HEPACAM2: variants seen among roughly 807,000 people sequenced by gnomAD.
HEPACAM2 encodes the protein mitotic kinetics regulator.
A neutral mutation model predicts 49.6 loss-of-function variants in HEPACAM2; 49 were observed. That is an observed-to-expected ratio of 0.99 (90% CI 0.78 to 1.25). The LOEUF (loss-of-function observed/expected upper bound fraction) is 1.25. Ranked by LOEUF, HEPACAM2 falls within the 50% of genes most tolerant of loss-of-function variation. The pLI is 0.00. For synonymous variants in HEPACAM2, 197 were observed against 202.9 expected (o/e 0.97, Z 0.25); for missense variants, 525 against 557.2 (o/e 0.94, Z 0.58).
At chr7:93,195,086 T>C (rs1340294501) in intron 8 of HEPACAM2, among the ~76,000 whole-genome samples, 5 of 152,022 alleles carry the variant, frequency 3.3e-5, no homozygotes, top group East Asian at 3.9e-4. Flanking sequence ...GTGTGATCAA[T>C]TGTCTTTGCA....
At chr7:93,204,377 C>CA (rs1793976111) in intron 4 of HEPACAM2, among the ~76,000 whole-genome samples, 1 of 150,384 alleles carries the variant, frequency 6.6e-6, no homozygotes. Flanking sequence ...TATCTATCAT[C>CA]TCTCTGTCTG....
At chr7:93,196,073 A>G (rs747165904) in intron 7 of HEPACAM2, among the ~76,000 whole-genome samples, 172 bp from the exon 8 acceptor site, 3 of 152,084 alleles carry the variant, frequency 2.0e-5, no homozygotes, top group Non-Finnish European at 4.4e-5. Flanking sequence ...GTTGGAAATC[A>G]CTCTTTCTGA....
chr7:93,202,714 T>G (rs1290785175), intron 4 of HEPACAM2, among the ~76,000 whole-genome samples: 1 of 152,148 alleles, frequency 6.6e-6, no homozygotes, highest in Non-Finnish European at 1.5e-5. Context: ...CGGCTGTTTT[T>G]TCCCTCTTAA....
intron 4 of HEPACAM2, among the ~76,000 whole-genome samples, chr7:93,200,220 G>C (rs549868937): frequency 6.6e-6 from 1 of 151,394 alleles, no homozygotes; most frequent in East Asian, 2.0e-4. Context: ...GATTTTTTTC[G>C]GTCAATTTTT....
At chr7:93,222,234 A>G (rs1308743714) in intron 1 of HEPACAM2, among the ~76,000 whole-genome samples, 2 of 152,182 alleles carry the variant, frequency 1.3e-5, no homozygotes, top group Non-Finnish European at 2.9e-5. Context: ...TTTTCTGTAC[A>G]AAACAAAATG....
intron 1 of HEPACAM2, among the ~76,000 whole-genome samples, chr7:93,222,560 T>A (rs1010765859): frequency 6.6e-6 from 1 of 152,206 alleles, no homozygotes; most frequent in Admixed American, 6.5e-5. Flanking sequence ...AACTTGAAGA[T>A]TACTGTGCTT....
At chr7:93,213,522 G>T (rs1190228418) in intron 3 of HEPACAM2, among the ~76,000 whole-genome samples, 1 of 152,066 alleles carries the variant, frequency 6.6e-6, no homozygotes, top group East Asian at 1.9e-4. Flanking sequence ...ACCTTATAAT[G>T]AGAATTTAGC....
chr7:93,199,404 C>G (rs1044292868), intron 4 of HEPACAM2, among the ~76,000 whole-genome samples: 1 of 152,070 alleles, frequency 6.6e-6, no homozygotes, highest in Non-Finnish European at 1.5e-5. Context: ...TGTTAGAAGG[C>G]TGACCTTTTA....
chr7:93,208,517 G>A lies in HEPACAM2; in HGVS notation c.1012+63C>T, dbSNP rs1079889. ...TTTTCTACCTAGGTATAAGATAGGGGAAGTGCAAGGCCAGCATGCATTCAT... is the reference window on the plus strand; with the variant it reads ...TTTTCTACCTAGGTATAAGATAGGGAAAGTGCAAGGCCAGCATGCATTCAT... On this transcript the variant is annotated intron_variant, in intron 4 of 9. Coordinates refer to ENST00000394468, the MANE Select transcript of HEPACAM2 (RefSeq NM_001039372.4). 5 of 1,335,394 alleles carry A rather than the reference G, an allele frequency of 3.7e-6. No homozygotes were observed. The African/African-American group carries it at 4.3e-5, about 12-fold the overall frequency. The allele number at this position is 1,335,394 out of a possible 1,614,324, so 82.7% of individuals were successfully genotyped here. A position where few individuals can be genotyped will look rare whatever the true frequency, so the allele number is the denominator to read the frequency against.
At chr7:93,219,521 A>C (rs772900144) in intron 1 of HEPACAM2, 70 bp from the exon 2 acceptor site, 1 of 1,600,268 alleles carries the variant, frequency 6.2e-7, no homozygotes, top group Non-Finnish European at 8.5e-7. Flanking sequence ...GCAAATGCAG[A>C]GAGAACCTGA....
intron 2 of HEPACAM2, among the ~76,000 whole-genome samples, chr7:93,217,325 A>G (rs1395611483): frequency 6.6e-6 from 1 of 152,210 alleles, no homozygotes; most frequent in Non-Finnish European, 1.5e-5. Flanking sequence ...TGCTTAAAAC[A>G]GTATAACTCA....
chr7:93,210,389 C>T (rs867939447), intron 3 of HEPACAM2, among the ~76,000 whole-genome samples: 6 of 151,868 alleles, frequency 4.0e-5, no homozygotes, highest in African/African-American at 1.4e-4. Context: ...TATTAAATAG[C>T]AGAGCTGGGT....
intron 4 of HEPACAM2, among the ~76,000 whole-genome samples, chr7:93,197,930 G>T (rs994652616): frequency 2.6e-5 from 4 of 151,976 alleles, no homozygotes; most frequent in African/African-American, 7.3e-5. Flanking sequence ...TCATCTCATT[G>T]TCTCTACATT....
chr7:93,217,876 C>CTGTGTGTGTG (rs138044928), intron 2 of HEPACAM2, among the ~76,000 whole-genome samples: 251 of 140,182 alleles, frequency 1.8e-3, no homozygotes, highest in Non-Finnish European at 2.2e-3. Flanking sequence ...GCATGTGTGT[C>CTGTGTGTGTG]TGTGTGTGTG....
In HEPACAM2 at chr7:93,219,095, A is replaced by T. The variant is rs1198055466; in HGVS notation, c.430+6T>A. 32 of 1,611,694 alleles carry T rather than the reference A, an allele frequency of 2.0e-5. No individual in the cohort carries two copies. The Admixed American group carries it at 5.3e-4, about 27-fold the overall frequency. On this transcript the variant is annotated splice_donor_region_variant and intron_variant, in intron 2 of 9. Transcript: ENST00000394468. ...TGCTGCCCTCGTACACTCACAGGGG[A>T]CTCACCATCAACCGTGACTTGTATC...
chr7:93,199,860 T>G (rs1169732946), intron 4 of HEPACAM2, among the ~76,000 whole-genome samples: 1 of 152,040 alleles, frequency 6.6e-6, no homozygotes, highest in Non-Finnish European at 1.5e-5. Context: ...ACATAGTAAT[T>G]TCATTATCAT....
At chr7:93,212,511 G>T (rs546312203) in intron 3 of HEPACAM2, among the ~76,000 whole-genome samples, 6 of 147,246 alleles carry the variant, frequency 4.1e-5, no homozygotes, top group African/African-American at 1.2e-4. Flanking sequence ...GAAATGCACG[G>T]TTTTTTTTTT....
intron 8 of HEPACAM2, 50 bp downstream of exon 8, chr7:93,195,778 G>A (rs780665260): frequency 8.6e-6 from 12 of 1,396,702 alleles, no homozygotes; most frequent in Non-Finnish European, 1.2e-5. Flanking sequence ...TTACACCTCT[G>A]GTGAAGCAGA....
chr7:93,226,330 T>C, intron 1 of HEPACAM2, 38 bp downstream of exon 1: 1 of 1,425,362 alleles, frequency 7.0e-7, no homozygotes, highest in East Asian at 2.3e-5. Flanking sequence ...AAAAAAAACC[T>C]AACAAACAGC....
Sources: gnomAD v4.1 joint callset for allele counts (sites outside exome capture counted in the v4.1 genomes callset) on GRCh38, gnomAD v4.1.1 for gene constraint, MANE v1.5 for transcripts, NCBI Gene and HGNC (gene_info 2026-07-23, HGNC 2026-07-21) for gene names.